USH2A: variants seen among roughly 807,000 people sequenced by gnomAD.
USH2A encodes usherin, also known as Usher syndrome 2A (autosomal recessive, mild).
Under a neutral mutation model 538.9 loss-of-function variants are expected in USH2A, and 443 were observed. The ratio of observed to expected loss-of-function variants is 0.82; its 90% confidence interval spans 0.76 to 0.89. USH2A has a LOEUF of 0.89. Among genes scored for constraint, USH2A ranks in the 40% least tolerant of loss-of-function variants. USH2A has a pLI of 0.00. For synonymous variants in USH2A, 2,413 were observed against 2,273.5 expected, an observed-to-expected ratio of 1.06 and a Z score of -1.75; for missense variants, 6,633 against 6,324.8, an observed-to-expected ratio of 1.05 and a Z score of -1.65.
At chr1:216,371,014 C>T (rs2038704643) in intron 3 of USH2A, among the ~76,000 whole-genome samples, 1 of 152,210 alleles carries the variant, frequency 6.6e-6, no homozygotes, top group African/African-American at 2.4e-5. Context: ...GGTGTTGTCC[C>T]CACTTTGCAA....
intron 26 of USH2A, among the ~76,000 whole-genome samples, chr1:216,081,399 T>C (rs2031936961): frequency 6.6e-6 from 1 of 152,148 alleles, no homozygotes; most frequent in Admixed American, 6.6e-5. Flanking sequence ...GGGATAACCA[T>C]GCATATTGAA....
In USH2A at chr1:216,321,902, C is replaced by A. The variant is rs769443867; in HGVS notation, c.1625G>T (p.Ser542Ile). 3 of 1,613,810 alleles carry A rather than the reference C, an allele frequency of 1.9e-6. No homozygotes were observed. The highest frequency in any genetic ancestry group is 2.5e-6 in the Non-Finnish European group (3 of 1,179,846). ...QPYRCLCSQE[S>I]FTEGLHCDRC... Reference sequence around the variant, plus strand: ...ACTCACATGAAGTCCTTCAGTGAAGCTCTCCTGGGAGCAGAGGCATCTATA... The same window carrying A: ...ACTCACATGAAGTCCTTCAGTGAAGATCTCCTGGGAGCAGAGGCATCTATA... The change falls in exon 9 of 72, where the codon AGC becomes ATC. Residue 542 changes from serine (S) to isoleucine (I), a missense_variant. Physicochemically the swap from Ser to Ile is moderately radical, Grantham distance 142. Transcript: ENST00000307340.
rs1368169020 is a variant in USH2A, at chr1:215,836,591, C to T, written c.9371+1400G>A. On this transcript the variant is annotated intron_variant, in intron 47 of 71. Coordinates refer to ENST00000307340, the MANE Select transcript of USH2A (RefSeq NM_206933.4). The stretch of plus-strand genomic sequence containing the variant: ...TTTTTTTTTGAGACAGAGTATCACT[C>T]TGTCGCCCAGGCTGGAGTGCAGTGG... Among the ~76,000 whole-genome samples, 2 of 98,034 alleles carry T rather than the reference C, an allele frequency of 2.0e-5. 1 individual carries two copies. The highest frequency in any genetic ancestry group is 7.2e-5 in the African/African-American group (2 of 27,660). The allele number at this position is 98,034 out of a possible 152,430, so 64.3% of individuals were successfully genotyped here.
intron 21 of USH2A, chr1:216,174,775 A>C (rs2034342106): frequency 1.0e-6 from 1 of 997,648 alleles, no homozygotes; most frequent in African/African-American, 1.7e-5. Context: ...CAGCAAGAGA[A>C]AGAAAAAGAA....
chr1:216,189,133 A>C (rs2034666771), intron 20 of USH2A, among the ~76,000 whole-genome samples: 1 of 151,998 alleles, frequency 6.6e-6, no homozygotes, highest in Non-Finnish European at 1.5e-5. Flanking sequence ...AATACATAAA[A>C]ATACAAAGTG....
chr1:216,136,320 C>T (rs574363417), intron 21 of USH2A, among the ~76,000 whole-genome samples: 9 of 152,180 alleles, frequency 5.9e-5, no homozygotes, highest in Admixed American at 3.9e-4. Context: ...GGATGAATTT[C>T]AGGTAAAAAC....
chr1:215,674,815 C>T lies in USH2A; in HGVS notation c.13096G>A (p.Ala4366Thr), dbSNP rs765764429. The change falls in exon 63 of 72, where the codon GCC becomes ACC. Residue 4366 changes from alanine (A) to threonine (T), a missense_variant. Transcript: ENST00000307340. ...ACATTCATTTGAGTGGCACTGACGG[C>T]CCAAAGATCTGGAGGGCTGACTTCT... ...PSEVSPPDLWAVSATQMNVCW... is the reference protein window; with the variant it reads ...PSEVSPPDLWTVSATQMNVCW... The T allele has an allele frequency of 6.2e-7, 1 of 1,614,138 alleles. No homozygotes were observed. The highest frequency in any genetic ancestry group is 1.1e-5 in the South Asian group (1 of 91,088).
At chr1:215,836,488 T>TTATATC (rs1663504347) in intron 47 of USH2A, among the ~76,000 whole-genome samples, 1 of 20,810 alleles carries the variant, frequency 4.8e-5, no homozygotes, top group Non-Finnish European at 8.9e-5. Context: ...ATAATATATA[T>TTATATC]TATATATATA....
intron 61 of USH2A, among the ~76,000 whole-genome samples, chr1:215,712,879 C>T (rs1473500541): frequency 6.7e-6 from 1 of 149,828 alleles, no homozygotes; most frequent in East Asian, 2.0e-4. Flanking sequence ...GATCTCGGCT[C>T]ACTGCAACCT....
chr1:215,929,812 A>G (rs1304701296), intron 38 of USH2A, among the ~76,000 whole-genome samples: 1 of 152,002 alleles, frequency 6.6e-6, no homozygotes, highest in Admixed American at 6.6e-5. Flanking sequence ...AGGTGGATTT[A>G]AATCCTTGTT....
intron 46 of USH2A, among the ~76,000 whole-genome samples, chr1:215,841,636 C>T (rs1185361022): frequency 6.6e-6 from 1 of 152,126 alleles, no homozygotes; most frequent in East Asian, 1.9e-4. Flanking sequence ...TAGGCACAGG[C>T]AAACATTTCA....
intron 58 of USH2A, among the ~76,000 whole-genome samples, chr1:215,757,819 A>G (rs951760089): frequency 2.6e-5 from 4 of 152,182 alleles, no homozygotes; most frequent in African/African-American, 7.2e-5. Flanking sequence ...TGCAGCTACC[A>G]TAAGTGGTCA....
intron 21 of USH2A, among the ~76,000 whole-genome samples, chr1:216,168,357 G>A (rs1011925094): frequency 6.6e-6 from 1 of 151,946 alleles, no homozygotes; most frequent in African/African-American, 2.4e-5. Flanking sequence ...AATTTGAGCA[G>A]GTATATTTGA....
chr1:216,128,632 T>A (rs1225795969), intron 21 of USH2A, among the ~76,000 whole-genome samples: 2 of 152,036 alleles, frequency 1.3e-5, no homozygotes, highest in Non-Finnish European at 2.9e-5. Flanking sequence ...ACTTAATAGT[T>A]GTAGATATTT....
chr1:216,323,874 C>T (rs2037669821), intron 7 of USH2A, among the ~76,000 whole-genome samples, 179 bp from the exon 8 acceptor site: 1 of 152,074 alleles, frequency 6.6e-6, no homozygotes, highest in South Asian at 2.1e-4. Flanking sequence ...GAAAGCCACA[C>T]TAAAACAGTT....
chr1:216,144,187 T>C (rs541702685), intron 21 of USH2A, among the ~76,000 whole-genome samples: 1 of 152,326 alleles, frequency 6.6e-6, no homozygotes, highest in South Asian at 2.1e-4. Context: ...AGTAGCAATG[T>C]AGCTAATCTT....
At chr1:215,781,972 C>T (rs1195774498) in intron 54 of USH2A, 70 bp downstream of exon 54, 4 of 1,605,586 alleles carry the variant, frequency 2.5e-6, no homozygotes, top group Non-Finnish European at 3.4e-6. Context: ...AAAAAGCAGT[C>T]ACAACCTGGA....
At chr1:215,781,103 G>T (rs997301562) in intron 54 of USH2A, among the ~76,000 whole-genome samples, 45 of 151,978 alleles carry the variant, frequency 3.0e-4, no homozygotes, top group African/African-American at 1.0e-3. Flanking sequence ...TCATTTGGTA[G>T]CATTCCCCAG....
At chr1:215,736,372 C>T (rs1246527578) in intron 60 of USH2A, among the ~76,000 whole-genome samples, 1 of 152,022 alleles carries the variant, frequency 6.6e-6, no homozygotes, top group East Asian at 1.9e-4. Flanking sequence ...TCCCTATTTA[C>T]CACAAGTGAA....
Sources: gnomAD v4.1 joint callset for allele counts (sites outside exome capture counted in the v4.1 genomes callset) on GRCh38, gnomAD v4.1.1 for gene constraint, MANE v1.5 for transcripts, NCBI Gene and HGNC (gene_info 2026-07-23, HGNC 2026-07-21) for gene names.